The following MAK variants were observed in gnomAD, a reference collection of about 807,000 sequenced individuals.
MAK encodes serine/threonine-protein kinase MAK.
Under a neutral mutation model 82.6 loss-of-function variants are expected in MAK, and 65 were observed. The ratio of observed to expected loss-of-function variants is 0.79; its 90% CI spans 0.64 to 0.97. The LOEUF (loss-of-function observed/expected upper bound fraction) is 0.97, where lower values mean the gene tolerates loss of function less well. Ranked by LOEUF, MAK falls within the 50% of genes least tolerant of loss-of-function variation. The pLI, the probability that MAK is intolerant of heterozygous loss-of-function variation, is 0.00. For synonymous variants in MAK, 250 were observed against 274.2 expected (o/e 0.91, Z 0.87); for missense variants, 703 against 780.2 (o/e 0.90, Z 1.18).
At chr6:10,837,388 A>C (rs1166917605) in intron 1 of MAK, among the ~76,000 whole-genome samples, 1 of 152,218 alleles carries the variant, frequency 6.6e-6, no homozygotes, top group Non-Finnish European at 1.5e-5. Flanking sequence ...TACACAAAAA[A>C]AGTCCACCCC....
chr6:10,780,619 T>C (rs1773879200), intron 11 of MAK, among the ~76,000 whole-genome samples: 2 of 152,122 alleles, frequency 1.3e-5, no homozygotes, highest in African/African-American at 4.8e-5. Flanking sequence ...CACGCCCAGC[T>C]AATTTTTGTA....
chr6:10,787,198 C>T (rs1774638363), intron 10 of MAK, among the ~76,000 whole-genome samples: 1 of 152,078 alleles, frequency 6.6e-6, no homozygotes, highest in Non-Finnish European at 1.5e-5. Flanking sequence ...CACCAGTTCA[C>T]CTCCTGTTCA....
At chr6:10,828,747 T>A (rs1778559855) in intron 2 of MAK, among the ~76,000 whole-genome samples, 1 of 152,034 alleles carries the variant, frequency 6.6e-6, no homozygotes, top group South Asian at 2.1e-4. Flanking sequence ...GTGAGCTATG[T>A]TTGTACCACC....
At chr6:10,790,625 G>A (rs1327305550) in intron 10 of MAK, among the ~76,000 whole-genome samples, 1 of 152,208 alleles carries the variant, frequency 6.6e-6, no homozygotes, top group African/African-American at 2.4e-5. Context: ...ACCATCAGAA[G>A]AAGCTGTTAA....
Position 10,770,102 on chromosome 6 carries a change from T to TG in MAK, c.1792+8dup, listed in dbSNP as rs751184733. The TG allele has an allele frequency of 3.7e-6, 6 of 1,614,200 alleles. No individual in the cohort carries two copies. The highest frequency in any genetic ancestry group is 5.1e-6 in the Non-Finnish European group (6 of 1,180,012). The stretch of plus-strand genomic sequence containing the variant: ...GAATCTAGAAAACTGTATCTGAAGT[T>TG]GTTCCTACCTGAAGCCGTTGCATTG... On this transcript the variant is annotated intron_variant, in intron 14 of 14. Coordinates refer to ENST00000354489, the MANE Select transcript of MAK (RefSeq NM_001242957.3).
At chr6:10,835,448 CAG>C (rs1779093151) in intron 1 of MAK, among the ~76,000 whole-genome samples, 1 of 152,194 alleles carries the variant, frequency 6.6e-6, no homozygotes, top group African/African-American at 2.4e-5. Context: ...TTAGTAGAGA[CAG>C]GGTTTTACCA....
Position 10,797,503 on chromosome 6 carries a change from A to G in MAK, c.832-1194T>C, listed in dbSNP as rs185465680. The G allele has an allele frequency of 2.0e-5, 15 of 748,194 alleles. No individual in the cohort carries two copies. In the African/African-American group the frequency reaches 2.9e-4, roughly 14 times the overall value. The allele number at this position is 748,194 out of a possible 1,614,324, so 46.3% of individuals were successfully genotyped here. On this transcript the variant is annotated intron_variant, in intron 8 of 14. Transcript: ENST00000354489. ...TGCACACAATAGCACCCCACAGCAAAGAGTTATCTGGTTCACAACGTCAGT... is the reference window on the plus strand; with the variant it reads ...TGCACACAATAGCACCCCACAGCAAGGAGTTATCTGGTTCACAACGTCAGT...
chr6:10,818,838 A>G (rs774522977), intron 3 of MAK, 48 bp downstream of exon 3: 1 of 951,874 alleles, frequency 1.1e-6, no homozygotes, highest in East Asian at 2.4e-5. Context: ...TACGGTCCTC[A>G]GGTAGTGTTA....
intron 14 of MAK, 28 bp from the exon 15 acceptor site, chr6:10,764,634 G>A: frequency 1.2e-6 from 2 of 1,604,816 alleles, no homozygotes; most frequent in South Asian, 2.2e-5. Context: ...TGGAAAACAG[G>A]GTTTTACTCA....
intron 6 of MAK, among the ~76,000 whole-genome samples, chr6:10,808,149 T>C (rs1458126512): frequency 6.6e-6 from 1 of 152,108 alleles, no homozygotes; most frequent in African/African-American, 2.4e-5. Flanking sequence ...CCCCACCCCA[T>C]AGAACTGCTT....
intron 11 of MAK, among the ~76,000 whole-genome samples, chr6:10,783,383 A>C (rs1316572700): frequency 6.6e-6 from 1 of 152,176 alleles, no homozygotes; most frequent in African/African-American, 2.4e-5. Context: ...TCAGATGTTT[A>C]ACAGGCATCC....
chr6:10,815,912 G>GTATGTATATATA (rs1554184487), intron 4 of MAK, among the ~76,000 whole-genome samples: 1 of 108,322 alleles, frequency 9.2e-6, no homozygotes, highest in Non-Finnish European at 1.8e-5. Flanking sequence ...GCTTTATACA[G>GTATGTATATATA]TATATATATA....
chr6:10,817,641 C>A (rs1777594197), intron 4 of MAK, among the ~76,000 whole-genome samples: 1 of 152,198 alleles, frequency 6.6e-6, no homozygotes, highest in African/African-American at 2.4e-5. Flanking sequence ...CTGGCCTTCA[C>A]TTTCAAGGAT....
chr6:10,830,747 A>G lies in MAK; in HGVS notation c.-99T>C. 1.1e-6 allele frequency: 1 copy of G among 906,422 alleles called. No individual in the cohort carries two copies. Among genetic ancestry groups the G allele is most frequent in the Non-Finnish European group, 1.8e-6 (1 of 549,742 alleles). 56.1% of individuals were successfully genotyped at this position (906,422 alleles called of 1,614,324 possible). Reference sequence around the variant, plus strand: ...AATTTTTATTTGCTTTTGTCCTCACACTGTTGTTGCTACACTGGTGACAGG... The same window carrying G: ...AATTTTTATTTGCTTTTGTCCTCACGCTGTTGTTGCTACACTGGTGACAGG... On this transcript the variant is annotated 5_prime_UTR_variant, in exon 2 of 15. Coordinates refer to ENST00000354489, the MANE Select transcript of MAK (RefSeq NM_001242957.3).
At chr6:10,823,473 A>T (rs1778114010) in intron 2 of MAK, among the ~76,000 whole-genome samples, 1 of 152,174 alleles carries the variant, frequency 6.6e-6, no homozygotes, top group Non-Finnish European at 1.5e-5. Flanking sequence ...CACTCTGAAA[A>T]TTAAGAATAG....
chr6:10,783,891 C>T (rs558517798), intron 11 of MAK, among the ~76,000 whole-genome samples: 55 of 152,208 alleles, frequency 3.6e-4, no homozygotes, highest in Admixed American at 3.4e-3. Flanking sequence ...TGGTGGCTCG[C>T]ACCTGTAGTC....
intron 14 of MAK, 112 bp from the exon 15 acceptor site, chr6:10,764,718 G>T: frequency 2.8e-6 from 3 of 1,055,388 alleles, no homozygotes; most frequent in Non-Finnish European, 4.4e-6. Context: ...ATGTTTAAAA[G>T]ATTAACTCAG....
chr6:10,806,047 G>T (rs1776415793), intron 6 of MAK, among the ~76,000 whole-genome samples: 1 of 152,184 alleles, frequency 6.6e-6, no homozygotes, highest in Admixed American at 6.5e-5. Flanking sequence ...CGTAGTGAAT[G>T]AGTTCTTTTT....
chr6:10,791,675 C>A lies in MAK; in HGVS notation c.1316G>T (p.Arg439Leu). ...KEKRKKDSPF[R>L]LPEPVPSGSN... ...TTTTCTGAGGAATTTGAAATCTTAC[C>A]GAAATGGAGAATCTTTTTTCCTTTT... is the stretch of plus-strand genomic sequence containing the variant. The change falls in exon 10 of 15, where the codon CGG becomes CTG. Residue 439 changes from arginine to leucine, a missense_variant and splice_region_variant. Coordinates refer to ENST00000354489, the MANE Select transcript of MAK (RefSeq NM_001242957.3). 1 of 1,611,982 alleles carries A rather than the reference C, an allele frequency of 6.2e-7. No homozygotes were observed. Among genetic ancestry groups the A allele is most frequent in the South Asian group, 1.1e-5 (1 of 90,964 alleles).
Sources: gnomAD v4.1 joint callset for allele counts (sites outside exome capture counted in the v4.1 genomes callset) on GRCh38, gnomAD v4.1.1 for gene constraint, MANE v1.5 for transcripts, NCBI Gene and HGNC (gene_info 2026-07-23, HGNC 2026-07-21) for gene names.